Variants in PLD5 observed in about 807,000 individuals in gnomAD.
PLD5 encodes phospholipase D family member 5.
PLD5 carries 36 observed loss-of-function variants against 61.1 expected under a neutral mutation model. The observed-to-expected ratio is 0.59, with a 90% confidence interval of 0.45 to 0.78. PLD5 has a LOEUF of 0.78. PLD5 is among the 30% of genes least tolerant of loss of function. PLD5 has a pLI of 0.00. For synonymous variants in PLD5, 243 were observed against 242.8 expected (o/e 1.00, Z -0.01); for missense variants, 515 against 644.4 (o/e 0.80, Z 2.17).
intron 9 of PLD5, among the ~76,000 whole-genome samples, chr1:242,098,247 C>T (rs1481256485): frequency 6.6e-6 from 1 of 152,160 alleles, no homozygotes; most frequent in Non-Finnish European, 1.5e-5. Context: ...TTCTTGGAGG[C>T]TTTGTTCGTT....
intron 7 of PLD5, among the ~76,000 whole-genome samples, chr1:242,112,326 T>TA (rs1198643383): frequency 1.2e-4 from 8 of 68,210 alleles, no homozygotes; most frequent in African/African-American, 7.2e-4. Flanking sequence ...TGTGTGTGTA[T>TA]GTATGTATAT....
chr1:242,238,085 T>C (rs575792161), intron 4 of PLD5, among the ~76,000 whole-genome samples: 1 of 152,298 alleles, frequency 6.6e-6, no homozygotes, highest in South Asian at 2.1e-4. Context: ...TTTAAGTTAC[T>C]ATGTGGTTTC....
At chr1:242,185,007 A>G (rs1667780940) in intron 5 of PLD5, among the ~76,000 whole-genome samples, 1 of 152,166 alleles carries the variant, frequency 6.6e-6, no homozygotes. Flanking sequence ...CAGGCTTCTT[A>G]AAGCAGGTAG....
the PLD5 span, among the ~76,000 whole-genome samples, chr1:242,530,307 A>T: frequency 2.6e-5 from 4 of 152,258 alleles, no homozygotes; most frequent in Non-Finnish European, 4.4e-5. Context: ...ATCTGTCAAG[A>T]TGCTATGGTT....
chr1:242,138,839 T>C (rs1663947221), intron 5 of PLD5, among the ~76,000 whole-genome samples: 1 of 152,208 alleles, frequency 6.6e-6, no homozygotes, highest in Non-Finnish European at 1.5e-5. Flanking sequence ...CACACACCTG[T>C]GCCTCTTACT....
At chr1:242,408,149 A>C (rs2149285672) in intron 1 of PLD5, among the ~76,000 whole-genome samples, 1 of 152,332 alleles carries the variant, frequency 6.6e-6, no homozygotes, top group African/African-American at 2.4e-5. Flanking sequence ...GAAGCTAGAA[A>C]TCCTGCTGTT....
intron 1 of PLD5, among the ~76,000 whole-genome samples, chr1:242,390,983 G>A (rs1010333467): frequency 6.6e-6 from 1 of 152,010 alleles, no homozygotes; most frequent in Non-Finnish European, 1.5e-5. Context: ...ACGAGGTCAG[G>A]AGATGGAGAC....
chr1:242,183,188 A>G (rs1409494931), intron 5 of PLD5, among the ~76,000 whole-genome samples: 3 of 152,204 alleles, frequency 2.0e-5, no homozygotes, highest in Non-Finnish European at 4.4e-5. Context: ...GAGCAAATAT[A>G]TATCTTTTAA....
chr1:242,111,793 T>C (rs1169668988), intron 7 of PLD5, among the ~76,000 whole-genome samples: 1 of 151,904 alleles, frequency 6.6e-6, no homozygotes, highest in Admixed American at 6.6e-5. Flanking sequence ...TTTAGAAAGT[T>C]AAAAGCATTT....
chr1:242,124,985 A>G lies in PLD5; in HGVS notation c.736-320T>C, dbSNP rs1662672665. On this transcript the variant is annotated intron_variant, in intron 5 of 9. Transcript: ENST00000536534. ...CTTTTTTTGTATGACTCATTCAATCAGGTGGCAAGAAAAAGGTCAATTTTA... is the reference window on the plus strand; with the variant it reads ...CTTTTTTTGTATGACTCATTCAATCGGGTGGCAAGAAAAAGGTCAATTTTA... Among the ~76,000 whole-genome samples the G allele has an allele frequency of 2.0e-5, 3 of 152,258 alleles. No individual in the cohort carries two copies. The South Asian group carries it at 6.2e-4, about 32-fold the overall frequency.
chr1:242,291,004 G>A (rs1458114870), intron 2 of PLD5, among the ~76,000 whole-genome samples: 1 of 152,112 alleles, frequency 6.6e-6, no homozygotes. Flanking sequence ...ATTGACAAGT[G>A]TTTACCAGCC....
intron 6 of PLD5, among the ~76,000 whole-genome samples, chr1:242,118,840 G>A (rs1226153072): frequency 1.3e-5 from 2 of 152,192 alleles, no homozygotes; most frequent in Admixed American, 1.3e-4. Flanking sequence ...TTTAAAAATA[G>A]TGCCTGGATA....
rs1216366344 is a variant in PLD5, at chr1:242,394,997, G to GAA, written c.190-46756_190-46755insTT. On this transcript the variant is annotated intron_variant, in intron 1 of 9. Transcript: ENST00000536534. Reference sequence around the variant, plus strand: ...TATATGAATATATATGAATATATATGTATATATGAATATATATGAATATAT... The same window carrying GAA: ...TATATGAATATATATGAATATATATGAATATATATGAATATATATGAATATAT... 4.4e-3 allele frequency among the ~76,000 whole-genome samples: 251 copies of GAA among 57,614 alleles called. 16 individuals carry two copies. The highest frequency in any genetic ancestry group is 0.018 in the African/African-American group (215 of 12,194). The allele number at this position is 57,614 out of a possible 152,430, so 37.8% of individuals were successfully genotyped here. A position where few individuals can be genotyped will look rare whatever the true frequency, so the allele number is the denominator to read the frequency against.
intron 1 of PLD5, among the ~76,000 whole-genome samples, chr1:242,419,517 T>G (rs1300974443): frequency 2.7e-5 from 4 of 147,764 alleles, no homozygotes; most frequent in Non-Finnish European, 6.0e-5. Context: ...TGCCTCAGCC[T>G]CCTGAGTAGC....
At chr1:242,128,595 G>A (rs1417803942) in intron 5 of PLD5, among the ~76,000 whole-genome samples, 1 of 152,168 alleles carries the variant, frequency 6.6e-6, no homozygotes, top group East Asian at 1.9e-4. Context: ...CCACCAATCT[G>A]AAGAAAGACA....
intron 4 of PLD5, among the ~76,000 whole-genome samples, chr1:242,241,583 C>A (rs1672007736): frequency 6.6e-6 from 1 of 151,936 alleles, no homozygotes; most frequent in Non-Finnish European, 1.5e-5. Context: ...ATGCCAAAAT[C>A]TGCCACTGTG....
At chr1:242,421,938 G>A (rs750443261) in intron 1 of PLD5, among the ~76,000 whole-genome samples, 4 of 152,120 alleles carry the variant, frequency 2.6e-5, no homozygotes, top group Non-Finnish European at 5.9e-5. Context: ...CCTAAAGCAG[G>A]GCATGCGCCA....
chr1:242,365,683 C>A, intron 1 of PLD5: 2 of 192,034 alleles, frequency 1.0e-5, no homozygotes, highest in South Asian at 9.2e-5. Flanking sequence ...GACTGTTGGC[C>A]ATGTAAATGT....
chr1:242,261,341 C>T (rs1005651316), intron 4 of PLD5, among the ~76,000 whole-genome samples: 29 of 152,232 alleles, frequency 1.9e-4, no homozygotes, highest in African/African-American at 7.0e-4. Context: ...ATACCATAAG[C>T]AGAAATAAAG....
Sources: allele counts gnomAD v4.1 joint callset (sites outside exome capture counted in the v4.1 genomes callset), GRCh38; gene constraint gnomAD v4.1.1; transcripts MANE v1.5; gene names NCBI Gene and HGNC (gene_info 2026-07-23, HGNC 2026-07-21).